The following ABCC5 variants were observed in gnomAD, a reference collection of about 807,000 sequenced individuals.
ABCC5 encodes ATP-binding cassette sub-family C member 5.
Under a neutral mutation model 160.9 loss-of-function variants are expected in ABCC5, and 61 were observed. That is an observed-to-expected ratio of 0.38 (90% CI 0.31 to 0.47). ABCC5 has a LOEUF of 0.47. ABCC5 is among the 20% of genes least tolerant of loss of function. ABCC5 has a pLI of 0.99. For missense variants in ABCC5, 1,308 were observed against 1,813.3 expected, an observed-to-expected ratio of 0.72 and a Z score of 5.06; for synonymous variants, 666 against 700.6, an observed-to-expected ratio of 0.95 and a Z score of 0.78.
rs1717787248 is a variant in ABCC5, at chr3:183,971,907, T to C, written c.1417A>G (p.Met473Val). 6.8e-6 allele frequency: 11 copies of C among 1,613,882 alleles called. No homozygotes were observed. The highest frequency in any genetic ancestry group is 1.3e-5 in the African/African-American group (1 of 74,880). Residue 473 changes from methionine (M) to valine (V), a missense_variant, in exon 11 of 30, where the codon ATG becomes GTG. Around this residue, in one of 3 missense-constraint regions of ABCC5, gnomAD observed 1,142 missense variants for 1,527.1 expected, o/e 0.75. Transcript: ENST00000334444. The stretch of plus-strand genomic sequence containing the variant: ...TTCTTTATCATGTGAACCTCTTCCA[T>C]TAGAAACAAACTCTGATAGGAGTTG... The part of the protein sequence containing the change: ...AVDRFKSLFL[M>V]EEVHMIKNKP...
intron 14 of ABCC5, among the ~76,000 whole-genome samples, chr3:183,964,893 C>T (rs961112773): frequency 3.3e-5 from 5 of 152,204 alleles, no homozygotes; most frequent in South Asian, 2.1e-4. Flanking sequence ...AACATGCACA[C>T]GCTTACTTGT....
chr3:183,997,196 T>G (rs892906466), intron 2 of ABCC5, among the ~76,000 whole-genome samples: 1 of 152,190 alleles, frequency 6.6e-6, no homozygotes, highest in African/African-American at 2.4e-5. Context: ...TATGAAGATC[T>G]CCACAGGCAG....
At chr3:183,922,126 C>G (rs1712055959) in intron 29 of ABCC5, among the ~76,000 whole-genome samples, 1 of 151,916 alleles carries the variant, frequency 6.6e-6, no homozygotes, top group African/African-American at 2.4e-5. Context: ...AATCCCAGCA[C>G]TTTGGGAGGT....
At position 183,989,328 on chromosome 3, in the gene ABCC5, T is replaced by A. The variant is rs1406363159; in HGVS notation, c.185A>T (p.Asp62Val). 2.5e-6 allele frequency: 4 copies of A among 1,613,956 alleles called. No homozygotes were observed. The highest frequency in any genetic ancestry group is 3.4e-6 in the Non-Finnish European group (4 of 1,180,018). The change falls in exon 3 of 30, where the codon GAT becomes GTT. Residue 62 changes from aspartate to valine, a missense_variant. Physicochemically the swap from Asp to Val is radical, Grantham distance 152 (BLOSUM62 -3). This residue lies in a region of ABCC5 where 1,142 missense variants were observed against 1,527.1 expected (regional missense o/e 0.75). Coordinates refer to ENST00000334444, the MANE Select transcript of ABCC5 (RefSeq NM_005688.4). ...TCTGAGCTGAGAATGCATGGAGGCA[T>A]CAAGAGAGAGGCCCTCGGCTCGGGC... ...TAARAEGLSL[D>V]ASMHSQLRIL...
rs1379625263 is a variant in ABCC5 at position 183,949,017 on chromosome 3, G to A, written c.3227+736C>T. ...CTGTACCCAGCCTGATATTCTAAAT[G>A]TTATACATAAAAACACATACTCAAA... On this transcript the variant is annotated intron_variant, in intron 22 of 29. Transcript: ENST00000334444. The surrounding 1 kb of genome is among the most constrained non-coding windows in gnomAD (Gnocchi z 4.2). Among the ~76,000 whole-genome samples, 5 of 152,070 alleles carry A rather than the reference G, an allele frequency of 3.3e-5. No homozygotes were observed. In the South Asian group the frequency reaches 8.3e-4, roughly 25 times the overall value.
At chr3:183,998,214 C>T (rs894136385) in intron 2 of ABCC5, among the ~76,000 whole-genome samples, 2 of 152,218 alleles carry the variant, frequency 1.3e-5, no homozygotes, top group Admixed American at 1.3e-4. Flanking sequence ...AATTAGACTT[C>T]TACCCAGTTT....
intron 29 of ABCC5, among the ~76,000 whole-genome samples, chr3:183,924,689 A>T (rs1033465316): frequency 2.0e-5 from 3 of 152,210 alleles, no homozygotes; most frequent in African/African-American, 7.2e-5. Context: ...CCTAAAGATG[A>T]ATGAGCGGTG....
At chr3:183,962,353 C>T (rs1045960803) in intron 15 of ABCC5, among the ~76,000 whole-genome samples, 1 of 148,482 alleles carries the variant, frequency 6.7e-6, no homozygotes, top group Admixed American at 6.7e-5. Context: ...TAAGTTGAAC[C>T]GTAAGCCAGC....
In ABCC5 at chr3:183,947,510, T is replaced by C. The variant is rs767797638; in HGVS notation, c.3228A>G (p.Arg1076=). The C allele has an allele frequency of 6.3e-7, 1 of 1,588,448 alleles. No homozygotes were observed. The highest frequency in any genetic ancestry group is 1.8e-5 in the Admixed American group (1 of 57,060). ...GGTTGTCATCCAGCAGCTCCTGGTA[T>C]CTGTGAGAAAGACAACACTTAATGG... ...AYNKGQEFLH[R]YQELLDDNQA... is the part of the protein sequence containing the mutation. Residue 1076 remains arginine (R), a splice_region_variant and synonymous_variant, in exon 23 of 30, where the codon AGA becomes AGG. Coordinates refer to ENST00000334444, the MANE Select transcript of ABCC5 (RefSeq NM_005688.4).
rs1203765474 is a variant in ABCC5, at chr3:183,927,392, T to A, written c.3985A>T (p.Asn1329Tyr). Residue 1329 changes from asparagine (N) to tyrosine (Y), a missense_variant, in exon 28 of 30, where the codon AAC (asparagine) becomes TAC (tyrosine). This residue lies in a region of ABCC5 where 163 missense variants were observed against 269.7 expected (regional missense o/e 0.60). Coordinates refer to ENST00000334444, the MANE Select transcript of ABCC5 (RefSeq NM_005688.4). Reference protein sequence around the residue: ...LESEVMENGDNFSVGERQLLC... With the variant: ...LESEVMENGDYFSVGERQLLC... ...AGCTGCCGTTCCCCCACTGAGAAGTTATCCCCATTCTCCATCACTTCAGAT... is the reference window on the plus strand; with the variant it reads ...AGCTGCCGTTCCCCCACTGAGAAGTAATCCCCATTCTCCATCACTTCAGAT... The A allele has an allele frequency of 6.2e-7, 1 of 1,613,772 alleles. No individual in the cohort carries two copies. The highest frequency in any genetic ancestry group is 1.7e-5 in the Admixed American group (1 of 59,996).
Position 183,982,945 on chromosome 3 carries a change from GCTGTA to G in ABCC5, c.649_653del (p.Tyr217LeufsTer42). 1 of 1,614,226 alleles carries G rather than the reference GCTGTA, an allele frequency of 6.2e-7. No individual in the cohort carries two copies. The highest frequency in any genetic ancestry group is 2.2e-5 in the East Asian group (1 of 44,882). On this transcript the variant is annotated frameshift_variant, in exon 6 of 30. Transcript: ENST00000334444. LOFTEE classifies it high-confidence loss of function. This position sits in a 1 kb window ranked among gnomAD's most constrained non-coding sequence, Gnocchi z 5.2. ...GGAGGAGGCCCAGCACTAACAACAA[GCTGTA>G]CTGCAGGTTAGACTCTGTTGCCTGG...
intron 2 of ABCC5, chr3:184,010,444 C>T (rs2108925038): frequency 6.6e-6 from 1 of 152,388 alleles, no homozygotes; most frequent in Middle Eastern, 3.4e-3. Context: ...GACTCCATAT[C>T]CTTTAGGGTA....
chr3:184,008,254 T>A (rs1377021802), intron 2 of ABCC5, among the ~76,000 whole-genome samples: 1 of 152,020 alleles, frequency 6.6e-6, no homozygotes. Context: ...TTTAAAAAAA[T>A]GAATAAACAC....
intron 2 of ABCC5, among the ~76,000 whole-genome samples, chr3:183,998,046 C>T (rs1720419793): frequency 1.3e-5 from 2 of 152,156 alleles, no homozygotes; most frequent in South Asian, 2.1e-4. Flanking sequence ...TTCTTGGCTT[C>T]GGAAAGTGCT....
Position 183,970,915 on chromosome 3 carries a change from C to G in ABCC5, c.1761+648G>C, listed in dbSNP as rs1304130945. On this transcript the variant is annotated intron_variant, in intron 11 of 29. Coordinates refer to ENST00000334444, the MANE Select transcript of ABCC5 (RefSeq NM_005688.4). ...AGCATCTGGCATGGAGTTTGATACT[C>G]ATGAAATGGCTGTTGAATGAATGAA... Among the ~76,000 whole-genome samples, 3 of 152,196 alleles carry G rather than the reference C, an allele frequency of 2.0e-5. No individual in the cohort carries two copies. The South Asian group carries it at 6.2e-4, about 31-fold the overall frequency.
At chr3:183,922,070 T>C (rs1712044203) in intron 29 of ABCC5, among the ~76,000 whole-genome samples, 1 of 104,720 alleles carries the variant, frequency 9.5e-6, no homozygotes, top group Non-Finnish European at 2.2e-5. Context: ...AATAAATAAA[T>C]AAATAAATAA....
At chr3:183,947,180 G>A (rs1029144151) in intron 23 of ABCC5, 144 bp downstream of exon 23, 16 of 863,902 alleles carry the variant, frequency 1.9e-5, no homozygotes, top group Admixed American at 3.6e-5. Context: ...AGATTGTTAC[G>A]GTCAAATCAG....
At chr3:183,957,074 G>A (rs376631218) in intron 17 of ABCC5, among the ~76,000 whole-genome samples, 7 of 94,484 alleles carry the variant, frequency 7.4e-5, no homozygotes, top group South Asian at 4.1e-4. Flanking sequence ...GGTTACATGC[G>A]GGTCCGTGTG....
chr3:183,984,473 T>C (rs1197048116), intron 5 of ABCC5: 9 of 1,049,806 alleles, frequency 8.6e-6, no homozygotes, highest in East Asian at 1.7e-4. Flanking sequence ...TGGAGGTAGC[T>C]ACGCTGAATT....
Sources: gnomAD v4.1 joint callset for allele counts (sites outside exome capture counted in the v4.1 genomes callset) on GRCh38, gnomAD v4.1.1 for gene constraint, gnomAD v4.1.1 regional missense constraint, Gnocchi (gnomAD v3.1) non-coding constraint, MANE v1.5 for transcripts, NCBI Gene and HGNC (gene_info 2026-07-23, HGNC 2026-07-21) for gene names.